CNTLN: variants seen among roughly 807,000 people sequenced by gnomAD.
CNTLN encodes centlein, also known as centlein, centrosomal protein.
A neutral mutation model predicts 180.0 loss-of-function variants in CNTLN; 212 were observed. The observed-to-expected ratio is 1.18, with a 90% CI of 1.05 to 1.32. The LOEUF is 1.32. CNTLN is among the 40% of genes most tolerant of loss of function. The pLI is 0.00. For synonymous variants in CNTLN, 722 were observed against 563.1 expected (o/e 1.28, Z -3.99); for missense variants, 2,095 against 1,610.9 (o/e 1.30, Z -5.14).
intron 12 of CNTLN, among the ~76,000 whole-genome samples, chr9:17,344,545 A>G (rs1587717604): frequency 6.6e-6 from 1 of 152,280 alleles, no homozygotes; most frequent in Admixed American, 6.5e-5. Flanking sequence ...GGTCAATGAA[A>G]TGAGAATACC....
chr9:17,485,863 A>G (rs2134323837), intron 24 of CNTLN, among the ~76,000 whole-genome samples: 1 of 152,296 alleles, frequency 6.6e-6, no homozygotes, highest in East Asian at 1.9e-4. Context: ...TGAGCAAATC[A>G]GAAAGGTTGT....
the CNTLN span, among the ~76,000 whole-genome samples, chr9:17,511,250 CA>C: frequency 6.6e-6 from 1 of 152,280 alleles, no homozygotes; most frequent in African/African-American, 2.4e-5. Flanking sequence ...AACTCTTCTC[CA>C]GAACTATTAC....
At chr9:17,375,958 G>C (rs1340270399) in intron 13 of CNTLN, among the ~76,000 whole-genome samples, 1 of 152,142 alleles carries the variant, frequency 6.6e-6, no homozygotes, top group African/African-American at 2.4e-5. Flanking sequence ...TCTAACCACT[G>C]TACTTTTAGG....
rs546297592 is a variant in CNTLN at position 17,196,178 on chromosome 9, C to T, written c.450-30025C>T. Among the ~76,000 whole-genome samples, 5 of 152,178 alleles carry T rather than the reference C, an allele frequency of 3.3e-5. No individual in the cohort carries two copies. In the South Asian group the frequency reaches 1.0e-3, roughly 32 times the overall value. On this transcript the variant is annotated intron_variant, in intron 2 of 25. Coordinates refer to ENST00000380647, the MANE Select transcript of CNTLN (RefSeq NM_017738.4). ...AGCTGGGATTACAGGCGCCTGCCACCACACCTGGCTAATTTTTCTATCTTT... is the reference window on the plus strand; with the variant it reads ...AGCTGGGATTACAGGCGCCTGCCACTACACCTGGCTAATTTTTCTATCTTT...
intron 10 of CNTLN, among the ~76,000 whole-genome samples, chr9:17,334,940 A>G (rs530445686): frequency 1.5e-4 from 23 of 151,656 alleles, no homozygotes; most frequent in African/African-American, 2.2e-4. Context: ...AAGATTTTCA[A>G]TTGGCAAGCT....
chr9:17,435,165 T>C (rs1279887913), intron 18 of CNTLN, among the ~76,000 whole-genome samples: 4 of 152,198 alleles, frequency 2.6e-5, no homozygotes, highest in Non-Finnish European at 5.9e-5. Context: ...CTGCCCTGCT[T>C]TACCTCGGTT....
intron 15 of CNTLN, among the ~76,000 whole-genome samples, chr9:17,398,575 C>T (rs1222667401): frequency 6.6e-6 from 1 of 152,192 alleles, no homozygotes; most frequent in Non-Finnish European, 1.5e-5. Context: ...TCGTTCTGTG[C>T]AGACTCCAGT....
chr9:17,322,738 A>C (rs138075772), intron 8 of CNTLN, among the ~76,000 whole-genome samples: 1 of 152,238 alleles, frequency 6.6e-6, no homozygotes, highest in Non-Finnish European at 1.5e-5. Flanking sequence ...CTGCCTTTCC[A>C]CAGAAAAATT....
chr9:17,315,290 T>G (rs1819464865), intron 8 of CNTLN, among the ~76,000 whole-genome samples: 1 of 152,160 alleles, frequency 6.6e-6, no homozygotes, highest in South Asian at 2.1e-4. Context: ...TTTTCTGTCT[T>G]TATTTTAAAG....
intron 9 of CNTLN, among the ~76,000 whole-genome samples, chr9:17,331,768 C>T (rs1258698608): frequency 6.6e-6 from 1 of 151,782 alleles, no homozygotes; most frequent in African/African-American, 2.4e-5. Context: ...CATTTCTTGC[C>T]ATTTTGAAGT....
At chr9:17,263,742 G>A (rs1468560420) in intron 5 of CNTLN, among the ~76,000 whole-genome samples, 2 of 145,434 alleles carry the variant, frequency 1.4e-5, no homozygotes, top group Non-Finnish European at 3.0e-5. Context: ...ATTCTAACTG[G>A]TGTGAGATGG....
intron 8 of CNTLN, among the ~76,000 whole-genome samples, chr9:17,325,576 C>CAT (rs1164554456): frequency 3.4e-5 from 3 of 89,374 alleles, no homozygotes; most frequent in East Asian, 4.7e-4. Context: ...CACACACACA[C>CAT]GCACACACAC....
At chr9:17,159,883 T>C (rs1819557812) in intron 2 of CNTLN, among the ~76,000 whole-genome samples, 1 of 152,226 alleles carries the variant, frequency 6.6e-6, no homozygotes, top group South Asian at 2.1e-4. Context: ...CTTTAGGTGA[T>C]TGTTAATAAT....
At chr9:17,423,716 CT>C (rs1395834183) in intron 18 of CNTLN, among the ~76,000 whole-genome samples, 2 of 152,122 alleles carry the variant, frequency 1.3e-5, no homozygotes, top group Non-Finnish European at 2.9e-5. Flanking sequence ...AGTCAGTTTC[CT>C]ACCAGTGGGG....
At chr9:17,496,857 C>T (rs1253085986) in intron 25 of CNTLN, among the ~76,000 whole-genome samples, 1 of 152,134 alleles carries the variant, frequency 6.6e-6, no homozygotes, top group Non-Finnish European at 1.5e-5. Context: ...ATATATACTA[C>T]ACAGTTCCTG....
chr9:17,336,931 A>G (rs534202271), intron 10 of CNTLN, among the ~76,000 whole-genome samples: 25 of 152,282 alleles, frequency 1.6e-4, no homozygotes, highest in Non-Finnish European at 2.8e-4. Context: ...CCTCCCGCCA[A>G]CAGTGTACAA....
intron 2 of CNTLN, among the ~76,000 whole-genome samples, chr9:17,163,091 G>A (rs936536976): frequency 6.6e-6 from 1 of 152,164 alleles, no homozygotes; most frequent in African/African-American, 2.4e-5. Context: ...CATTGTGGTA[G>A]ACAAAAGAGC....
At chr9:17,257,951 T>G (rs958371650) in intron 5 of CNTLN, among the ~76,000 whole-genome samples, 2 of 146,678 alleles carry the variant, frequency 1.4e-5, no homozygotes, top group Non-Finnish European at 3.0e-5. Context: ...GATGGTAGTT[T>G]CTTTTGCTGT....
intron 23 of CNTLN, among the ~76,000 whole-genome samples, chr9:17,478,569 C>T (rs370755863): frequency 3.3e-4 from 50 of 151,638 alleles, no homozygotes; most frequent in African/African-American, 1.0e-3. Flanking sequence ...CTGTTTCCCA[C>T]GCTGGACTCC....
Sources: allele counts gnomAD v4.1 joint callset (sites outside exome capture counted in the v4.1 genomes callset), GRCh38; gene constraint gnomAD v4.1.1; transcripts MANE v1.5; gene names NCBI Gene and HGNC (gene_info 2026-07-23, HGNC 2026-07-21).